Variants in TAFA1 observed in about 807,000 individuals in gnomAD.
TAFA1 encodes the protein TAFA chemokine like family member 1, also known as chemokine-like protein TAFA-1.
In TAFA1, 4 loss-of-function variants were observed where a neutral mutation model predicts 18.5. That is an observed-to-expected ratio of 0.22 (90% CI 0.11 to 0.49). TAFA1 has a LOEUF of 0.49. Among genes scored for constraint, TAFA1 ranks in the 20% least tolerant of loss-of-function variants. TAFA1 has a pLI of 0.98. For missense variants in TAFA1, 147 were observed against 169.0 expected (o/e 0.87, Z 0.72); for synonymous variants, 56 against 55.2 (o/e 1.01, Z -0.06).
At chr3:68,302,478 AGCTG>A (rs2068321907) in intron 2 of TAFA1, among the ~76,000 whole-genome samples, 1 of 152,162 alleles carries the variant, frequency 6.6e-6, no homozygotes, top group South Asian at 2.1e-4. Flanking sequence ...ATATGCTAAT[AGCTG>A]GTAATGACAA....
intron 2 of TAFA1, among the ~76,000 whole-genome samples, chr3:68,200,150 A>G (rs1008588528): frequency 6.6e-6 from 1 of 151,632 alleles, no homozygotes; most frequent in African/African-American, 2.4e-5. Flanking sequence ...ATTGATTTTC[A>G]AATATTGAAT....
chr3:68,540,185 T>A (rs1559711942), intron 4 of TAFA1, among the ~76,000 whole-genome samples: 2 of 151,862 alleles, frequency 1.3e-5, no homozygotes, highest in South Asian at 2.1e-4. Context: ...GGTGAAAACA[T>A]CTTGTGTATC....
intron 3 of TAFA1, among the ~76,000 whole-genome samples, chr3:68,426,635 T>A (rs1043663322): frequency 6.6e-6 from 1 of 151,648 alleles, no homozygotes; most frequent in Non-Finnish European, 1.5e-5. Context: ...GACAAAAAAA[T>A]TACATTTAAA....
intron 2 of TAFA1, among the ~76,000 whole-genome samples, chr3:68,134,346 G>T (rs928989176): frequency 2.0e-5 from 3 of 151,406 alleles, no homozygotes; most frequent in Non-Finnish European, 4.4e-5. Context: ...GTTTCTCAAA[G>T]TACTGAGTGC....
At chr3:68,494,819 T>C (rs543548504) in intron 3 of TAFA1, among the ~76,000 whole-genome samples, 70 of 152,336 alleles carry the variant, frequency 4.6e-4, no homozygotes, top group African/African-American at 1.6e-3. Context: ...TAAGATTAGA[T>C]AAAACATACA....
intron 2 of TAFA1, among the ~76,000 whole-genome samples, chr3:68,369,189 AC>A (rs202158276): frequency 0.011 from 1,616 of 151,842 alleles, 26 homozygotes; most frequent in African/African-American, 0.037. Context: ...TGGTGCAGGC[AC>A]ACACACACAC....
chr3:68,509,093 A>G (rs2072808968), intron 3 of TAFA1, among the ~76,000 whole-genome samples: 1 of 152,094 alleles, frequency 6.6e-6, no homozygotes. Flanking sequence ...TCCAGTCTCT[A>G]TGATAAGGAA....
At chr3:68,376,540 A>G (rs929323410) in intron 2 of TAFA1, among the ~76,000 whole-genome samples, 18 of 152,136 alleles carry the variant, frequency 1.2e-4, no homozygotes, top group African/African-American at 3.9e-4. Flanking sequence ...GTTTGCTAAG[A>G]ATAATGGCCT....
chr3:68,433,145 G>C (rs897091554), intron 3 of TAFA1, among the ~76,000 whole-genome samples: 1 of 152,050 alleles, frequency 6.6e-6, no homozygotes, highest in Non-Finnish European at 1.5e-5. Context: ...ACTTGAGCAT[G>C]GTTTCAGCAT....
intron 2 of TAFA1, among the ~76,000 whole-genome samples, chr3:68,397,355 T>A (rs1346156548): frequency 6.6e-6 from 1 of 152,128 alleles, no homozygotes; most frequent in Non-Finnish European, 1.5e-5. Context: ...TGTTCCCCTT[T>A]CTGTGTCCAT....
At chr3:68,389,814 G>T (rs768117960) in intron 2 of TAFA1, among the ~76,000 whole-genome samples, 1 of 152,112 alleles carries the variant, frequency 6.6e-6, no homozygotes, top group Non-Finnish European at 1.5e-5. Context: ...TGCTGTGCGG[G>T]ATGGTGCTAT....
chr3:68,394,975 G>T (rs1313816772), intron 2 of TAFA1, among the ~76,000 whole-genome samples: 1 of 152,092 alleles, frequency 6.6e-6, no homozygotes, highest in Non-Finnish European at 1.5e-5. Context: ...AAAGAGCTCT[G>T]CCCATCAGAA....
chr3:68,202,587 C>G (rs2066480613), intron 2 of TAFA1, among the ~76,000 whole-genome samples: 1 of 151,420 alleles, frequency 6.6e-6, no homozygotes. Flanking sequence ...AGTGGTTATT[C>G]TAGAGTTTGC....
chr3:68,508,286 G>C (rs1559698608), intron 3 of TAFA1, among the ~76,000 whole-genome samples: 1 of 151,680 alleles, frequency 6.6e-6, no homozygotes, highest in East Asian at 1.9e-4. Context: ...TGCCAGATTG[G>C]TGATTAGGGC....
At chr3:68,443,864 T>C (rs2071429847) in intron 3 of TAFA1, among the ~76,000 whole-genome samples, 1 of 152,140 alleles carries the variant, frequency 6.6e-6, no homozygotes, top group South Asian at 2.1e-4. Context: ...CATCTATCCC[T>C]CACCGCATCC....
At chr3:68,086,672 T>G (rs2064974262) in intron 2 of TAFA1, among the ~76,000 whole-genome samples, 1 of 152,208 alleles carries the variant, frequency 6.6e-6, no homozygotes, top group South Asian at 2.1e-4. Flanking sequence ...TACCAAAACT[T>G]ACCTTTAATG....
intron 2 of TAFA1, among the ~76,000 whole-genome samples, chr3:68,113,255 A>G (rs1299788445): frequency 3.3e-5 from 5 of 152,228 alleles, no homozygotes; most frequent in Admixed American, 3.3e-4. Context: ...TTTCTGCAAT[A>G]AACATGTACA....
Position 68,102,846 on chromosome 3 carries a change from C to T in TAFA1, c.118+96102C>T, listed in dbSNP as rs181601597. On this transcript the variant is annotated intron_variant, in intron 2 of 4. Coordinates refer to ENST00000478136, the MANE Select transcript of TAFA1 (RefSeq NM_213609.4). ...GGCTTAAGGGTCCAGCTCTGGCTTTCTTATGGTTGTGCTCCTATGAACTAA... is the reference window on the plus strand; with the variant it reads ...GGCTTAAGGGTCCAGCTCTGGCTTTTTTATGGTTGTGCTCCTATGAACTAA... Among the ~76,000 whole-genome samples, 99 of 152,294 alleles carry T rather than the reference C, an allele frequency of 6.5e-4. 1 individual carries two copies. Among genetic ancestry groups the T allele is most frequent in the Middle Eastern group, 3.4e-3 (1 of 294 alleles).
intron 3 of TAFA1, among the ~76,000 whole-genome samples, chr3:68,522,543 A>G (rs1488028998): frequency 6.6e-6 from 1 of 152,202 alleles, no homozygotes; most frequent in African/African-American, 2.4e-5. Flanking sequence ...TCAGGCTCTG[A>G]GTACATACAT....
Sources: gnomAD v4.1 joint callset for allele counts (sites outside exome capture counted in the v4.1 genomes callset) on GRCh38, gnomAD v4.1.1 for gene constraint, MANE v1.5 for transcripts, NCBI Gene and HGNC (gene_info 2026-07-23, HGNC 2026-07-21) for gene names.